IQCM: variants seen among roughly 807,000 people sequenced by gnomAD.
The protein encoded by IQCM is IQ domain-containing protein M.
IQCM carries 45 observed loss-of-function variants against 57.6 expected under a neutral mutation model. That is an observed-to-expected ratio of 0.78 (90% CI 0.62 to 1.00). IQCM has a LOEUF of 1.00. Among genes scored for constraint, IQCM ranks in the 50% least tolerant of loss-of-function variants. IQCM has a pLI of 0.00. For missense variants in IQCM, 468 were observed against 511.6 expected (o/e 0.91, Z 0.82); for synonymous variants, 148 against 158.9 (o/e 0.93, Z 0.51).
chr4:149,576,733 C>A (rs1751696457), intron 9 of IQCM, among the ~76,000 whole-genome samples: 1 of 151,812 alleles, frequency 6.6e-6, no homozygotes, highest in Non-Finnish European at 1.5e-5. Context: ...CATGGTAGAA[C>A]AATTTATATT....
At chr4:149,410,876 A>C (rs192416232) in intron 13 of IQCM, among the ~76,000 whole-genome samples, 34 of 152,252 alleles carry the variant, frequency 2.2e-4, no homozygotes, top group African/African-American at 7.9e-4. Flanking sequence ...TTATTGATTG[A>C]TTTCACCTCA....
intron 5 of IQCM, among the ~76,000 whole-genome samples, chr4:149,715,404 T>A (rs1017690096): frequency 3.3e-5 from 5 of 152,178 alleles, no homozygotes; most frequent in Non-Finnish European, 5.9e-5. Context: ...CAGCTTCCAC[T>A]GCTTCCACCA....
At position 149,368,955 on chromosome 4, in the gene IQCM, TACAC is replaced by T. The variant is rs1391111426; in HGVS notation, c.1391-16893_1391-16890del. On this transcript the variant is annotated intron_variant, in intron 13 of 13. Transcript: ENST00000636793. ...ACGTGTATATATATGTGTATATATA[TACAC>T]GTGTATATATATATGTGTATATATA... Among the ~76,000 whole-genome samples the T allele has an allele frequency of 2.4e-5, 2 of 84,428 alleles. 1 individual carries two copies. Among genetic ancestry groups the T allele is most frequent in the African/African-American group, 9.1e-5 (2 of 21,918 alleles). The allele number at this position is 84,428 out of a possible 152,430, so 55.4% of individuals were successfully genotyped here.
intron 7 of IQCM, among the ~76,000 whole-genome samples, chr4:149,622,342 C>T (rs1394230464): frequency 7.1e-6 from 1 of 140,582 alleles, no homozygotes; most frequent in Non-Finnish European, 1.5e-5. Flanking sequence ...CAGTGGAATT[C>T]TTTTTTATTT....
At chr4:149,405,300 T>A (rs1029261242) in intron 13 of IQCM, among the ~76,000 whole-genome samples, 3 of 151,916 alleles carry the variant, frequency 2.0e-5, no homozygotes, top group African/African-American at 7.2e-5. Flanking sequence ...CGCTTAGCCT[T>A]CATTTTAAAC....
chr4:149,459,846 T>A (rs1029844343), intron 12 of IQCM, among the ~76,000 whole-genome samples: 2 of 152,200 alleles, frequency 1.3e-5, no homozygotes, highest in Non-Finnish European at 1.5e-5. Flanking sequence ...TCAATAGACA[T>A]TTTAGCTACT....
chr4:149,402,940 T>G (rs1732721294), intron 13 of IQCM, among the ~76,000 whole-genome samples: 1 of 151,910 alleles, frequency 6.6e-6, no homozygotes, highest in African/African-American at 2.4e-5. Flanking sequence ...TTCTCTCAAC[T>G]CTATCACATG....
At chr4:149,638,286 A>T (rs1757892218) in intron 7 of IQCM, among the ~76,000 whole-genome samples, 1 of 152,204 alleles carries the variant, frequency 6.6e-6, no homozygotes, top group African/African-American at 2.4e-5. Context: ...GTAGAAGAGG[A>T]TGTGGAGCAA....
chr4:149,460,459 T>G (rs1738155750), intron 12 of IQCM, among the ~76,000 whole-genome samples: 1 of 152,192 alleles, frequency 6.6e-6, no homozygotes, highest in Admixed American at 6.5e-5. Context: ...AGGACATATA[T>G]AGCATATTTT....
At chr4:149,629,106 T>C (rs1328822417) in intron 7 of IQCM, among the ~76,000 whole-genome samples, 1 of 152,308 alleles carries the variant, frequency 6.6e-6, no homozygotes, top group Admixed American at 6.5e-5. Flanking sequence ...CCCTCACCAA[T>C]ATACTCAGTT....
intron 12 of IQCM, among the ~76,000 whole-genome samples, chr4:149,517,581 G>C (rs950022942): frequency 6.6e-6 from 1 of 152,144 alleles, no homozygotes; most frequent in Non-Finnish European, 1.5e-5. Flanking sequence ...TTAATACTGA[G>C]TGTCAACTTG....
At chr4:149,437,948 C>A (rs185429551) in intron 12 of IQCM, among the ~76,000 whole-genome samples, 1 of 152,042 alleles carries the variant, frequency 6.6e-6, no homozygotes, top group Admixed American at 6.6e-5. Context: ...AACGTACCCG[C>A]CCCTTCACAC....
intron 2 of IQCM, among the ~76,000 whole-genome samples, chr4:149,811,573 C>T (rs1301412788): frequency 6.6e-6 from 1 of 152,020 alleles, no homozygotes; most frequent in Non-Finnish European, 1.5e-5. Context: ...TTGGCATTTC[C>T]CTGCTTCTCT....
At chr4:149,411,752 A>G (rs1226302177) in intron 13 of IQCM, among the ~76,000 whole-genome samples, 1 of 152,160 alleles carries the variant, frequency 6.6e-6, no homozygotes, top group Non-Finnish European at 1.5e-5. Context: ...ATTGGGTACT[A>G]TGCTATGTTA....
chr4:149,684,695 T>C (rs900224239), intron 6 of IQCM, among the ~76,000 whole-genome samples: 2 of 151,514 alleles, frequency 1.3e-5, no homozygotes, highest in Non-Finnish European at 3.0e-5. Context: ...TTTTGCCTAA[T>C]GACATTCTAT....
At position 149,813,390 on chromosome 4, in the gene IQCM, G is replaced by A. The variant is rs189156151; in HGVS notation, c.-49+1921C>T. 1.4e-3 allele frequency among the ~76,000 whole-genome samples: 219 copies of A among 152,096 alleles called. 1 individual carries two copies. The highest frequency in any genetic ancestry group is 4.8e-3 in the African/African-American group (200 of 41,508). ...CAAGAATGGGAAGAACAGGACAGGA[G>A]ACAATGGCAATGAAATTTTTAAAGC... On this transcript the variant is annotated intron_variant, in intron 2 of 13. Coordinates refer to ENST00000636793, the MANE Select transcript of IQCM (RefSeq NM_001363507.2).
At chr4:149,445,440 A>G (rs139449918) in intron 12 of IQCM, among the ~76,000 whole-genome samples, 2 of 151,972 alleles carry the variant, frequency 1.3e-5, no homozygotes, top group East Asian at 1.9e-4. Flanking sequence ...CTCCAGGTAT[A>G]TAATTTAAAA....
chr4:149,592,829 T>C (rs536417154), intron 8 of IQCM, among the ~76,000 whole-genome samples: 3 of 152,300 alleles, frequency 2.0e-5, no homozygotes, highest in Admixed American at 1.3e-4. Flanking sequence ...TCTGTTTTGG[T>C]ACCAGTACCA....
intron 13 of IQCM, among the ~76,000 whole-genome samples, chr4:149,363,042 A>G (rs574416209): frequency 9.9e-5 from 15 of 152,114 alleles, no homozygotes; most frequent in Non-Finnish European, 1.8e-4. Flanking sequence ...ACTTTGGCCT[A>G]TGTTTTGTGA....
Sources: gnomAD v4.1 joint callset for allele counts (sites outside exome capture counted in the v4.1 genomes callset) on GRCh38, gnomAD v4.1.1 for gene constraint, MANE v1.5 for transcripts, NCBI Gene and HGNC (gene_info 2026-07-23, HGNC 2026-07-21) for gene names.